PABPC4L: variants seen among roughly 807,000 people sequenced by gnomAD.
The protein encoded by PABPC4L is polyadenylate-binding protein 4-like.
For synonymous variants in PABPC4L, 169 were observed against 164.1 expected (o/e 1.03, Z -0.23); for missense variants, 452 against 451.4 (o/e 1.00, Z -0.01).
chr4:133,960,301 C>G, the PABPC4L span, among the ~76,000 whole-genome samples: 1 of 152,148 alleles, frequency 6.6e-6, no homozygotes, highest in Admixed American at 6.5e-5. Context: ...ACACACACCC[C>G]CACTGAGGAA....
the PABPC4L span, among the ~76,000 whole-genome samples, chr4:134,039,704 C>G: frequency 2.6e-4 from 40 of 152,080 alleles, no homozygotes; most frequent in African/African-American, 9.4e-4. Context: ...TTATGTTGAG[C>G]CTATGTGTGT....
the PABPC4L span, among the ~76,000 whole-genome samples, chr4:134,178,989 T>A: frequency 6.6e-6 from 1 of 152,084 alleles, no homozygotes; most frequent in Non-Finnish European, 1.5e-5. Context: ...ATACTGTCCA[T>A]GAAAATTTTC....
the PABPC4L span, among the ~76,000 whole-genome samples, chr4:134,121,254 T>C: frequency 2.0e-5 from 3 of 151,480 alleles, no homozygotes; most frequent in African/African-American, 7.2e-5. Flanking sequence ...TGATAACTAA[T>C]ATCAGGATTA....
the PABPC4L span, among the ~76,000 whole-genome samples, chr4:134,140,458 A>T: frequency 6.6e-6 from 1 of 151,862 alleles, no homozygotes. Context: ...AAATATTTAT[A>T]CAATTTTATA....
At chr4:133,952,666 C>A in the PABPC4L span, among the ~76,000 whole-genome samples, 1 of 151,820 alleles carries the variant, frequency 6.6e-6, no homozygotes. Flanking sequence ...ATTTTTAATC[C>A]TCCCCTGTTG....
the PABPC4L span, among the ~76,000 whole-genome samples, chr4:134,056,885 C>T: frequency 6.6e-6 from 1 of 151,816 alleles, no homozygotes; most frequent in South Asian, 2.1e-4. Flanking sequence ...TTTCTTTCTT[C>T]CATTATTGCA....
At chr4:134,186,240 G>C in the PABPC4L span, among the ~76,000 whole-genome samples, 1 of 152,042 alleles carries the variant, frequency 6.6e-6, no homozygotes, top group African/African-American at 2.4e-5. Context: ...ACAATCCTAA[G>C]CCAAAAGAAC....
chr4:134,109,563 A>G, the PABPC4L span, among the ~76,000 whole-genome samples: 6 of 151,972 alleles, frequency 3.9e-5, no homozygotes, highest in South Asian at 2.1e-4. Flanking sequence ...TAGTATTTAT[A>G]AGAGAACAAT....
the PABPC4L span, among the ~76,000 whole-genome samples, chr4:134,178,781 G>A: frequency 6.6e-6 from 1 of 152,070 alleles, no homozygotes. Context: ...TATCAACTGA[G>A]TTGAGAAAAG....
At chr4:133,980,360 AC>A in the PABPC4L span, among the ~76,000 whole-genome samples, 2 of 152,198 alleles carry the variant, frequency 1.3e-5, no homozygotes, top group African/African-American at 4.8e-5. Context: ...AACCTGAATA[AC>A]AAAACTACCC....
chr4:134,131,835 C>T, the PABPC4L span, among the ~76,000 whole-genome samples: 1 of 150,476 alleles, frequency 6.6e-6, no homozygotes, highest in South Asian at 2.1e-4. Context: ...GTTATAGTCA[C>T]CAAAACAGCA....
At chr4:134,191,182 T>C in the PABPC4L span, among the ~76,000 whole-genome samples, 4 of 152,164 alleles carry the variant, frequency 2.6e-5, no homozygotes, top group Non-Finnish European at 5.9e-5. Flanking sequence ...AACTAACGTG[T>C]TCTGCAGTTG....
At chr4:134,033,814 G>T in the PABPC4L span, among the ~76,000 whole-genome samples, 19 of 151,956 alleles carry the variant, frequency 1.3e-4, no homozygotes, top group East Asian at 3.5e-3. Context: ...ATGAAGGAAT[G>T]AAACCATCTC....
chr4:134,065,037 A>C, the PABPC4L span, among the ~76,000 whole-genome samples: 1 of 152,106 alleles, frequency 6.6e-6, no homozygotes, highest in Non-Finnish European at 1.5e-5. Flanking sequence ...TGCTATTGTG[A>C]ATAGTGCAGT....
chr4:134,110,926 C>T, the PABPC4L span, among the ~76,000 whole-genome samples: 1 of 151,922 alleles, frequency 6.6e-6, no homozygotes, highest in African/African-American at 2.4e-5. Context: ...TATATGTATA[C>T]AAATACGTAT....
the PABPC4L span, among the ~76,000 whole-genome samples, chr4:133,969,384 T>C: frequency 1.3e-5 from 2 of 148,514 alleles, no homozygotes; most frequent in African/African-American, 5.0e-5. Flanking sequence ...AAAGTGTGCC[T>C]CTTCCTCTGG....
At chr4:134,159,074 T>C in the PABPC4L span, among the ~76,000 whole-genome samples, 1 of 152,138 alleles carries the variant, frequency 6.6e-6, no homozygotes, top group Admixed American at 6.6e-5. Context: ...TTATCATGAA[T>C]GAAGCTTATA....
chr4:133,996,694 AAG>A, the PABPC4L span, among the ~76,000 whole-genome samples: 1 of 152,126 alleles, frequency 6.6e-6, no homozygotes, highest in Non-Finnish European at 1.5e-5. Context: ...GGGTGGATGA[AAG>A]AAGTATGCCG....
At chr4:133,999,717 G>T in the PABPC4L span, among the ~76,000 whole-genome samples, 4 of 151,938 alleles carry the variant, frequency 2.6e-5, no homozygotes, top group Non-Finnish European at 5.9e-5. Context: ...GGAAAATAAA[G>T]GCTTGGTTCT....
Sources: gnomAD v4.1 joint callset for allele counts (sites outside exome capture counted in the v4.1 genomes callset) on GRCh38, gnomAD v4.1.1 for gene constraint, MANE v1.5 for transcripts, NCBI Gene and HGNC (gene_info 2026-07-23, HGNC 2026-07-21) for gene names.